The following CCDC174 variants were observed in gnomAD, a reference collection of about 807,000 sequenced individuals.
CCDC174 encodes coiled-coil domain-containing protein 174.
Under a neutral mutation model 57.1 loss-of-function variants are expected in CCDC174, and 37 were observed. That is an observed-to-expected ratio of 0.65 (90% CI 0.50 to 0.85). CCDC174 has a LOEUF of 0.85. Ranked by LOEUF, CCDC174 falls within the 40% of genes least tolerant of loss-of-function variation. The probability of loss-of-function intolerance (pLI) is 0.00; values close to 1 mark genes in which losing one functional copy is unlikely to be tolerated. For synonymous variants in CCDC174, 182 were observed against 190.2 expected (o/e 0.96, Z 0.35); for missense variants, 540 against 574.3 (o/e 0.94, Z 0.61).
rs779879524 is a variant in CCDC174, at chr3:14,668,056, A to G, written c.827A>G (p.Asp276Gly). 6.3e-7 allele frequency: 1 copy of G among 1,597,462 alleles called. No individual in the cohort carries two copies. Among genetic ancestry groups the G allele is most frequent in the Non-Finnish European group, 8.5e-7 (1 of 1,174,306 alleles). The change falls in exon 9 of 11, where the codon GAT becomes GGT. Residue 276 changes from aspartate to glycine, a missense_variant. By Grantham distance (94) the Asp-to-Gly change is moderately conservative. Coordinates refer to ENST00000383794, the MANE Select transcript of CCDC174 (RefSeq NM_016474.5). ...TLEMLREQTT[D>G]QRTKRENIKE... Reference sequence around the variant, plus strand: ...TTCTGATTTTCTGTTCAGACAACAGATCAGAGAACAAAACGAGAAAACATA... The same window carrying G: ...TTCTGATTTTCTGTTCAGACAACAGGTCAGAGAACAAAACGAGAAAACATA...
At chr3:14,657,710 G>C (rs1264566593) in intron 3 of CCDC174, among the ~76,000 whole-genome samples, 1 of 152,088 alleles carries the variant, frequency 6.6e-6, no homozygotes, top group African/African-American at 2.4e-5. Flanking sequence ...TGCTCTACTG[G>C]TCTCTCTTGA....
chr3:14,668,897 C>T (rs1034908323), intron 9 of CCDC174, among the ~76,000 whole-genome samples: 6 of 152,214 alleles, frequency 3.9e-5, no homozygotes, highest in African/African-American at 1.4e-4. Context: ...CTTGCTGTTT[C>T]TGCCATTTCC....
intron 9 of CCDC174, among the ~76,000 whole-genome samples, chr3:14,669,195 G>A (rs1434425728): frequency 6.6e-6 from 1 of 152,208 alleles, no homozygotes; most frequent in Non-Finnish European, 1.5e-5. Flanking sequence ...AAGGAGGAGT[G>A]TGGGTATGAA....
At chr3:14,655,487 C>A in intron 2 of CCDC174, 42 bp from the exon 3 acceptor site, 1 of 1,304,016 alleles carries the variant, frequency 7.7e-7, no homozygotes, top group Non-Finnish European at 1.1e-6. Flanking sequence ...GATTTTTTGG[C>A]AATCATGTGG....
At chr3:14,651,962 T>A in intron 1 of CCDC174, 84 bp downstream of exon 1, 1 of 1,381,882 alleles carries the variant, frequency 7.2e-7, no homozygotes. Context: ...GCTTGTTTCT[T>A]CACTCGGGGA....
chr3:14,658,795 C>A, intron 3 of CCDC174, 76 bp from the exon 4 acceptor site: 1 of 1,443,168 alleles, frequency 6.9e-7, no homozygotes, highest in Non-Finnish European at 9.4e-7. Flanking sequence ...TGGTACCTGT[C>A]AGGCAGGGAG....
chr3:14,658,898 A>C lies in CCDC174; in HGVS notation c.276A>C (p.Leu92Phe). Residue 92 changes from leucine (L) to phenylalanine (F), a missense_variant, in exon 4 of 11, where the codon TTA (leucine) becomes TTC (phenylalanine). By Grantham distance (22) the Leu-to-Phe change is conservative (BLOSUM62 0). Coordinates refer to ENST00000383794, the MANE Select transcript of CCDC174 (RefSeq NM_016474.5). ...AAAAATTGGAAGAAAAAGCCAAATT[A>C]TATGAAAAAATGACTAAAGGAGACT... ...AREKLEEKAK[L>F]YEKMTKGDFI... is the part of the protein sequence containing the mutation. The C allele has an allele frequency of 6.5e-7, 1 of 1,532,190 alleles. No individual in the cohort carries two copies. Among genetic ancestry groups the C allele is most frequent in the Non-Finnish European group, 8.9e-7 (1 of 1,119,696 alleles). The allele number at this position is 1,532,190 out of a possible 1,614,324, so 94.9% of individuals were successfully genotyped here.
chr3:14,654,360 A>AT, intron 1 of CCDC174, 66 bp from the exon 2 acceptor site: 1 of 812,360 alleles, frequency 1.2e-6, no homozygotes, highest in Non-Finnish European at 2.0e-6. Context: ...GGAAATTATA[A>AT]TAATTTAGCA....
rs751067539 is a variant in CCDC174 at position 14,669,958 on chromosome 3, C to T, written c.977C>T (p.Pro326Leu). 1 of 1,613,874 alleles carries T rather than the reference C, an allele frequency of 6.2e-7. No individual in the cohort carries two copies. Among genetic ancestry groups the T allele is most frequent in the South Asian group, 1.1e-5 (1 of 91,054 alleles). ...GATGGAGATGTTATTGGGCCTTTGC[C>T]ACCGGAGCCAGAGGCTGTGCCAACC... ...NRDGDVIGPL[P>L]PEPEAVPTPR... Residue 326 changes from proline (P) to leucine (L), a missense_variant, in exon 10 of 11, where the codon CCA becomes CTA. Transcript: ENST00000383794.
intron 5 of CCDC174, among the ~76,000 whole-genome samples, chr3:14,664,619 AAGTC>A (rs1482537644): frequency 6.6e-6 from 1 of 152,228 alleles, no homozygotes; most frequent in Non-Finnish European, 1.5e-5. Flanking sequence ...AAAGAATAAA[AAGTC>A]AGACTTGAAG....
rs574386755 is a variant in CCDC174, at chr3:14,660,655, T to C, written c.308-875T>C. The stretch of plus-strand genomic sequence containing the variant: ...CAGCAAGCCTACCTCCTGATAGATA[T>C]GTCAGACCTGCAAGTTTGGGCAAGT... On this transcript the variant is annotated intron_variant, in intron 4 of 10. Coordinates refer to ENST00000383794, the MANE Select transcript of CCDC174 (RefSeq NM_016474.5). Among the ~76,000 whole-genome samples the C allele has an allele frequency of 2.0e-5, 3 of 152,326 alleles. No individual in the cohort carries two copies. The South Asian group carries it at 6.2e-4, about 32-fold the overall frequency.
At chr3:14,669,181 G>A (rs920786720) in intron 9 of CCDC174, among the ~76,000 whole-genome samples, 2 of 152,154 alleles carry the variant, frequency 1.3e-5, no homozygotes, top group African/African-American at 4.8e-5. Context: ...GTTACCCAAA[G>A]GAAAAGGAGG....
chr3:14,667,556 G>T, intron 8 of CCDC174, 38 bp downstream of exon 8: 1 of 1,504,152 alleles, frequency 6.6e-7, no homozygotes, highest in Non-Finnish European at 9.3e-7. Flanking sequence ...GGAAAGATGT[G>T]AGCGCTTGGT....
At chr3:14,670,134 A>G (rs750514683) in intron 10 of CCDC174, 48 bp downstream of exon 10, 3 of 1,562,938 alleles carry the variant, frequency 1.9e-6, no homozygotes, top group Admixed American at 2.3e-5. Flanking sequence ...GTGAATGGAA[A>G]ATGGTTTTTT....
At chr3:14,667,615 T>C in intron 8 of CCDC174, 97 bp downstream of exon 8, 2 of 893,968 alleles carry the variant, frequency 2.2e-6, no homozygotes, top group Admixed American at 2.3e-5. Flanking sequence ...AGTTAGAAAT[T>C]AAAATTGATA....
chr3:14,661,588 C>T lies in CCDC174; in HGVS notation c.366C>T (p.Arg122=), dbSNP rs777587935. Residue 122 remains arginine, a synonymous_variant, in exon 5 of 11, where the codon CGC becomes CGT. Transcript: ENST00000383794. ...TCACACAGAAGATCATAGACAAGCG[C>T]AAAGAAATGGAGGCATCTGGTGCCC... ...VDFTQKIIDK[R]KEMEASGAHR... 8 of 1,614,032 alleles carry T rather than the reference C, an allele frequency of 5.0e-6. No homozygotes were observed. Among genetic ancestry groups the T allele is most frequent in the Non-Finnish European group, 5.9e-6 (7 of 1,179,964 alleles).
chr3:14,653,686 C>T (rs909060719), intron 1 of CCDC174, among the ~76,000 whole-genome samples: 6 of 152,214 alleles, frequency 3.9e-5, no homozygotes, highest in Non-Finnish European at 7.3e-5. Context: ...ACTCCCTATG[C>T]CTTGGCCTTC....
intron 9 of CCDC174, among the ~76,000 whole-genome samples, chr3:14,669,073 A>C (rs2031431382): frequency 6.6e-6 from 1 of 152,154 alleles, no homozygotes; most frequent in Admixed American, 6.5e-5. Context: ...TGCTGGCCAG[A>C]GCTCAGTCCT....
chr3:14,655,097 C>G (rs2030905612), intron 2 of CCDC174, among the ~76,000 whole-genome samples: 1 of 152,210 alleles, frequency 6.6e-6, no homozygotes, highest in Non-Finnish European at 1.5e-5. Context: ...AGGCAGATCA[C>G]TTGACCCCAG....
Sources: allele counts gnomAD v4.1 joint callset (sites outside exome capture counted in the v4.1 genomes callset), GRCh38; gene constraint gnomAD v4.1.1; transcripts MANE v1.5; gene names NCBI Gene and HGNC (gene_info 2026-07-23, HGNC 2026-07-21).